Variants in RNF169 observed in about 807,000 individuals in gnomAD.
RNF169 encodes the protein ring finger protein 169.
A neutral mutation model predicts 53.9 loss-of-function variants in RNF169; 24 were observed. The ratio of observed to expected loss-of-function variants is 0.45; its 90% CI spans 0.32 to 0.63. The LOEUF (loss-of-function observed/expected upper bound fraction) is 0.63, where lower values mean the gene tolerates loss of function less well. Ranked by LOEUF, RNF169 falls within the 20% of genes least tolerant of loss-of-function variation. The probability of loss-of-function intolerance (pLI) is 0.04; values close to 1 mark genes in which losing one functional copy is unlikely to be tolerated. For synonymous variants in RNF169, 396 were observed against 363.5 expected (o/e 1.09, Z -1.02); for missense variants, 883 against 906.2 (o/e 0.97, Z 0.33).
intron 3 of RNF169, among the ~76,000 whole-genome samples, chr11:74,815,013 C>G (rs139781013): frequency 6.6e-6 from 1 of 152,286 alleles, no homozygotes; most frequent in Non-Finnish European, 1.5e-5. Flanking sequence ...TTCCTCACAT[C>G]TTGCCAACTT....
intron 1 of RNF169, among the ~76,000 whole-genome samples, chr11:74,764,926 C>G (rs2035148952): frequency 6.6e-6 from 1 of 152,098 alleles, no homozygotes; most frequent in South Asian, 2.1e-4. Flanking sequence ...TAAACATTTA[C>G]AGGTAGACTG....
chr11:74,773,517 C>T (rs1473534611), intron 1 of RNF169, among the ~76,000 whole-genome samples: 1 of 152,154 alleles, frequency 6.6e-6, no homozygotes, highest in Admixed American at 6.5e-5. Context: ...AATGTACCAC[C>T]AGGCCAGTTT....
chr11:74,779,558 A>G lies in RNF169; in HGVS notation c.503-10068A>G, dbSNP rs574697657. 3.9e-5 allele frequency among the ~76,000 whole-genome samples: 6 copies of G among 152,270 alleles called. No individual in the cohort carries two copies. The South Asian group carries it at 1.2e-3, about 32-fold the overall frequency. ...ATCATCTATATTCTTGGAGAATCAG[A>G]AGGAGTAAACCAAAAAATAGTAGAT... On this transcript the variant is annotated intron_variant, in intron 1 of 5. Transcript: ENST00000299563.
intron 1 of RNF169, among the ~76,000 whole-genome samples, chr11:74,755,657 A>G (rs1020026977): frequency 6.6e-6 from 1 of 152,240 alleles, no homozygotes; most frequent in African/African-American, 2.4e-5. Flanking sequence ...GACAATTTGC[A>G]GGAAGCCTGA....
intron 1 of RNF169, among the ~76,000 whole-genome samples, chr11:74,755,908 AT>A (rs924029331): frequency 2.0e-5 from 3 of 152,186 alleles, no homozygotes; most frequent in African/African-American, 7.2e-5. Flanking sequence ...TTTGGACTTT[AT>A]CCTATAAAGC....
intron 4 of RNF169, among the ~76,000 whole-genome samples, chr11:74,821,179 C>T (rs1032917981): frequency 1.3e-5 from 2 of 152,190 alleles, no homozygotes; most frequent in African/African-American, 4.8e-5. Flanking sequence ...GAAGGCTGCT[C>T]TCCTTCCATT....
At chr11:74,812,284 T>C (rs2035885642) in intron 3 of RNF169, among the ~76,000 whole-genome samples, 1 of 152,072 alleles carries the variant, frequency 6.6e-6, no homozygotes. Context: ...TTTTCTTATA[T>C]AGTTTTTTTT....
chr11:74,757,492 T>C (rs2035003662), intron 1 of RNF169, among the ~76,000 whole-genome samples: 1 of 145,714 alleles, frequency 6.9e-6, no homozygotes, highest in African/African-American at 2.6e-5. Context: ...GCATGATTTA[T>C]AGTCCTTTGA....
chr11:74,768,445 G>A (rs548106), intron 1 of RNF169, among the ~76,000 whole-genome samples: 52,257 of 151,642 alleles, frequency 0.34, 11,013 homozygotes, highest in African/African-American at 0.6. Flanking sequence ...CGTCTCTACT[G>A]AAAATACAAA....
In RNF169 at chr11:74,836,749, C is replaced by A; in HGVS notation, c.*19C>A. On this transcript the variant is annotated 3_prime_UTR_variant, in exon 6 of 6. Coordinates refer to ENST00000299563, the MANE Select transcript of RNF169 (RefSeq NM_001098638.2). ...CAAGTAGCACCTAATGAAGTGTTAC[C>A]TATTTTTAAAAGGTCTTAGGCCTTG... 6.4e-7 allele frequency: 1 copy of A among 1,567,004 alleles called. No individual in the cohort carries two copies. Among genetic ancestry groups the A allele is most frequent in the South Asian group, 1.1e-5 (1 of 87,208 alleles).
chr11:74,831,127 C>A (rs1455461374), intron 4 of RNF169: 1 of 152,148 alleles, frequency 6.6e-6, no homozygotes, highest in African/African-American at 2.4e-5. Flanking sequence ...TTCTGTTCAA[C>A]ATTGTACTGG....
At chr11:74,817,477 G>T (rs1298227371) in intron 3 of RNF169, 119 bp from the exon 4 acceptor site, 2 of 673,170 alleles carry the variant, frequency 3.0e-6, no homozygotes, top group African/African-American at 3.6e-5. Context: ...GAGGCAGTTG[G>T]AAACATAGGT....
intron 2 of RNF169, among the ~76,000 whole-genome samples, chr11:74,791,780 A>G (rs2035583310): frequency 6.6e-6 from 1 of 152,210 alleles, no homozygotes; most frequent in Non-Finnish European, 1.5e-5. Context: ...GCCTGTAGCC[A>G]TGGCTGGGTG....
At chr11:74,825,523 CA>C (rs1407951435) in intron 4 of RNF169, among the ~76,000 whole-genome samples, 1 of 151,906 alleles carries the variant, frequency 6.6e-6, no homozygotes, top group African/African-American at 2.4e-5. Flanking sequence ...GCCTACCAAC[CA>C]AAAAAGCCCA....
chr11:74,804,312 T>C (rs773458644), intron 2 of RNF169, among the ~76,000 whole-genome samples: 1 of 152,120 alleles, frequency 6.6e-6, no homozygotes, highest in African/African-American at 2.4e-5. Flanking sequence ...CTGGAATAAA[T>C]AGGTTAGGAA....
At chr11:74,813,186 T>TCATG (rs1275464463) in intron 3 of RNF169, among the ~76,000 whole-genome samples, 1 of 152,192 alleles carries the variant, frequency 6.6e-6, no homozygotes, top group Non-Finnish European at 1.5e-5. Context: ...TTCCTTTACA[T>TCATG]CATGGTTTTT....
intron 1 of RNF169, among the ~76,000 whole-genome samples, chr11:74,786,861 G>GT (rs1640501256): frequency 6.6e-6 from 1 of 152,164 alleles, no homozygotes; most frequent in Non-Finnish European, 1.5e-5. Context: ...AAATGAAAAT[G>GT]TTAAGCTCTT....
chr11:74,772,732 A>G (rs915049536), intron 1 of RNF169, among the ~76,000 whole-genome samples: 23 of 152,198 alleles, frequency 1.5e-4, no homozygotes, highest in Admixed American at 1.3e-3. Context: ...ATATTGTTTC[A>G]TAGTGATATT....
intron 4 of RNF169, among the ~76,000 whole-genome samples, chr11:74,826,845 A>G (rs2036105789): frequency 6.6e-6 from 1 of 152,232 alleles, no homozygotes; most frequent in Non-Finnish European, 1.5e-5. Flanking sequence ...GTGGGCTCCC[A>G]GGGCCTTGAG....
Sources: allele counts gnomAD v4.1 joint callset (sites outside exome capture counted in the v4.1 genomes callset), GRCh38; gene constraint gnomAD v4.1.1; transcripts MANE v1.5; gene names NCBI Gene and HGNC (gene_info 2026-07-23, HGNC 2026-07-21).